Variants in MMP26 observed in about 807,000 individuals in gnomAD.
MMP26 encodes matrix metallopeptidase 26, also known as matrix metalloproteinase-26.
A neutral mutation model predicts 31.0 loss-of-function variants in MMP26; 33 were observed. That is an observed-to-expected ratio of 1.06 (90% CI 0.81 to 1.42). The LOEUF (loss-of-function observed/expected upper bound fraction) is 1.42. Among genes scored for constraint, MMP26 ranks in the 40% most tolerant of loss-of-function variants. The pLI is 0.00. For synonymous variants in MMP26, 122 were observed against 114.9 expected (o/e 1.06, Z -0.40); for missense variants, 347 against 316.1 (o/e 1.10, Z -0.74).
At chr11:4,872,809 G>C (rs1460482467) in intron 2 of MMP26, among the ~76,000 whole-genome samples, 2 of 151,970 alleles carry the variant, frequency 1.3e-5, no homozygotes, top group African/African-American at 4.8e-5. Flanking sequence ...AGCTACAGAA[G>C]CTCCTGTCCT....
chr11:4,709,875 A>G, intron 1 of MMP26: 1 of 456,918 alleles, frequency 2.2e-6, no homozygotes, highest in South Asian at 1.5e-5. Flanking sequence ...CATTGGCCAA[A>G]TGTTCTTTAT....
intron 2 of MMP26, among the ~76,000 whole-genome samples, chr11:4,846,385 T>A (rs1353815753): frequency 6.6e-6 from 1 of 152,174 alleles, no homozygotes; most frequent in Admixed American, 6.5e-5. Flanking sequence ...GAGAATAGGA[T>A]GTTTACCAGA....
chr11:4,887,592 C>G (rs1055890148), intron 2 of MMP26, among the ~76,000 whole-genome samples: 1 of 152,092 alleles, frequency 6.6e-6, no homozygotes, highest in Non-Finnish European at 1.5e-5. Flanking sequence ...CTCCTTACTT[C>G]TTTTGGCAAT....
At chr11:4,857,608 A>G (rs1850073996) in intron 2 of MMP26, among the ~76,000 whole-genome samples, 2 of 152,196 alleles carry the variant, frequency 1.3e-5, no homozygotes, top group Admixed American at 1.3e-4. Flanking sequence ...AAAAAAGTCC[A>G]GGACCAGAGG....
rs554277490 is a variant in MMP26 at position 4,926,774 on chromosome 11, T to C, written c.-144-61294T>C. Among the ~76,000 whole-genome samples the C allele has an allele frequency of 8.5e-5, 13 of 152,086 alleles. No individual in the cohort carries two copies. In the East Asian group the frequency reaches 2.1e-3, roughly 25 times the overall value. On this transcript the variant is annotated intron_variant, in intron 2 of 7. Coordinates refer to ENST00000380390, the MANE Select transcript of MMP26 (RefSeq NM_021801.5). ...GTGTATAAGGTATGAGGAAAAAAAA[T>C]AAATAAAAGCACATCATGACTCACA... is the stretch of plus-strand genomic sequence containing the variant.
intron 2 of MMP26, among the ~76,000 whole-genome samples, chr11:4,950,371 T>C (rs1846359624): frequency 8.3e-6 from 1 of 121,202 alleles, no homozygotes; most frequent in South Asian, 2.5e-4. Flanking sequence ...AATTCTGTCA[T>C]TTGCTACAAC....
At chr11:4,835,257 G>T (rs573543306) in intron 2 of MMP26, among the ~76,000 whole-genome samples, 1 of 137,838 alleles carries the variant, frequency 7.3e-6, no homozygotes, top group Admixed American at 7.1e-5. Context: ...TAACATTCTG[G>T]TTGCTATCCT....
chr11:4,929,166 TA>T (rs1377924477), intron 2 of MMP26, among the ~76,000 whole-genome samples: 1 of 152,152 alleles, frequency 6.6e-6, no homozygotes, highest in African/African-American at 2.4e-5. Context: ...GTTTTGTGTT[TA>T]TTTTTTTAAT....
chr11:4,980,621 T>C lies in MMP26; in HGVS notation c.-144-7447T>C, dbSNP rs1399758333. Reference sequence around the variant, plus strand: ...GAAAGCTGTGCAAATAAAATGGATATGCAAAAATTCTGTGCTATTTATATT... The same window carrying C: ...GAAAGCTGTGCAAATAAAATGGATACGCAAAAATTCTGTGCTATTTATATT... On this transcript the variant is annotated intron_variant, in intron 2 of 7. Coordinates refer to ENST00000380390, the MANE Select transcript of MMP26 (RefSeq NM_021801.5). Among the ~76,000 whole-genome samples the C allele has an allele frequency of 2.6e-5, 4 of 152,064 alleles. No individual in the cohort carries two copies. The South Asian group carries it at 8.3e-4, about 32-fold the overall frequency.
At chr11:4,855,463 AG>A (rs1850037462) in intron 2 of MMP26, among the ~76,000 whole-genome samples, 1 of 152,194 alleles carries the variant, frequency 6.6e-6, no homozygotes, top group Admixed American at 6.5e-5. Flanking sequence ...AGTGGAAGAA[AG>A]GGTATCAGTG....
chr11:4,945,694 A>G lies in MMP26; in HGVS notation c.-144-42374A>G, dbSNP rs1589947185. 4 of 204,802 alleles carry G rather than the reference A, an allele frequency of 2.0e-5. No individual in the cohort carries two copies. The East Asian group carries it at 5.4e-4, about 28-fold the overall frequency. The allele number at this position is 204,802 out of a possible 1,614,324, so 12.7% of individuals were successfully genotyped here. On this transcript the variant is annotated intron_variant, in intron 2 of 7. Transcript: ENST00000380390. Reference sequence around the variant, plus strand: ...TATGCTCACTACCCGGGTCCCATATAACCATGTAAAAATCCAGCACATGTA... The same window carrying G: ...TATGCTCACTACCCGGGTCCCATATGACCATGTAAAAATCCAGCACATGTA...
chr11:4,791,284 C>T (rs1298276349), intron 2 of MMP26, among the ~76,000 whole-genome samples: 1 of 152,190 alleles, frequency 6.6e-6, no homozygotes, highest in Non-Finnish European at 1.5e-5. Flanking sequence ...CAGCTGGGCT[C>T]ATTCTTTGAA....
chr11:4,757,596 T>A (rs1204645022), intron 1 of MMP26, among the ~76,000 whole-genome samples: 1 of 149,158 alleles, frequency 6.7e-6, no homozygotes, highest in Non-Finnish European at 1.5e-5. Flanking sequence ...TGTAAAGAAC[T>A]CAATAAAGAG....
intron 2 of MMP26, among the ~76,000 whole-genome samples, chr11:4,851,579 G>A (rs1564793983): frequency 6.6e-6 from 1 of 151,812 alleles, no homozygotes; most frequent in African/African-American, 2.4e-5. Flanking sequence ...TGAATTGGAT[G>A]AAAAAATAAT....
intron 2 of MMP26, among the ~76,000 whole-genome samples, chr11:4,798,606 A>G (rs1192133954): frequency 1.3e-5 from 2 of 152,252 alleles, no homozygotes; most frequent in East Asian, 3.9e-4. Context: ...CTAAAGCACC[A>G]TTTTTTCTCA....
At chr11:4,808,610 C>T (rs1306471063) in intron 2 of MMP26, among the ~76,000 whole-genome samples, 1 of 152,064 alleles carries the variant, frequency 6.6e-6, no homozygotes, top group East Asian at 1.9e-4. Context: ...TATTCTATAG[C>T]CCCTTTACAA....
intron 2 of MMP26, among the ~76,000 whole-genome samples, chr11:4,866,619 T>C (rs1850238195): frequency 6.6e-6 from 1 of 152,140 alleles, no homozygotes; most frequent in Non-Finnish European, 1.5e-5. Context: ...AGAGCCTGAA[T>C]AGCCAAGGCA....
intron 2 of MMP26, among the ~76,000 whole-genome samples, chr11:4,818,433 G>A (rs1194180245): frequency 6.6e-6 from 1 of 151,622 alleles, no homozygotes; most frequent in Non-Finnish European, 1.5e-5. Context: ...CTAATCATAG[G>A]TTTGTTATTA....
intron 2 of MMP26, among the ~76,000 whole-genome samples, chr11:4,771,093 G>A (rs1213458616): frequency 1.3e-5 from 2 of 152,166 alleles, no homozygotes; most frequent in Non-Finnish European, 2.9e-5. Context: ...AGTAGGCCAT[G>A]TCTAAAGAAG....
Sources: gnomAD v4.1 joint callset for allele counts (sites outside exome capture counted in the v4.1 genomes callset) on GRCh38, gnomAD v4.1.1 for gene constraint, MANE v1.5 for transcripts, NCBI Gene and HGNC (gene_info 2026-07-23, HGNC 2026-07-21) for gene names.